The following LTBP2 variants were observed in gnomAD, a reference collection of about 807,000 sequenced individuals.
LTBP2 encodes the protein latent-transforming growth factor beta-binding protein 2.
In LTBP2, 103 loss-of-function variants were observed where a neutral mutation model predicts 210.6. The observed-to-expected ratio is 0.49, with a 90% confidence interval of 0.42 to 0.58. The LOEUF (loss-of-function observed/expected upper bound fraction) is 0.58, where lower values mean the gene tolerates loss of function less well. Ranked by LOEUF, LTBP2 falls within the 20% of genes least tolerant of loss-of-function variation. The pLI, the probability that LTBP2 is intolerant of heterozygous loss-of-function variation, is 0.00. For synonymous variants in LTBP2, 1,007 were observed against 1,015.0 expected, an observed-to-expected ratio of 0.99 and a Z score of 0.15; for missense variants, 2,313 against 2,494.5, an observed-to-expected ratio of 0.93 and a Z score of 1.55.
At chr14:74,610,379 C>G (rs773508095) in intron 1 of LTBP2, among the ~76,000 whole-genome samples, 6 of 152,062 alleles carry the variant, frequency 3.9e-5, no homozygotes, top group Non-Finnish European at 8.8e-5. Flanking sequence ...GAAAACAGAG[C>G]GCCAAGGAAA....
chr14:74,580,818 G>T (rs1386986094), intron 3 of LTBP2, among the ~76,000 whole-genome samples: 1 of 152,162 alleles, frequency 6.6e-6, no homozygotes, highest in Non-Finnish European at 1.5e-5. Flanking sequence ...AATTAGCTGG[G>T]TATGGTGGTG....
chr14:74,578,245 A>G (rs916964890), intron 3 of LTBP2, among the ~76,000 whole-genome samples: 1 of 152,210 alleles, frequency 6.6e-6, no homozygotes, highest in African/African-American at 2.4e-5. Context: ...CTGATCTGTC[A>G]TAAGCACATG....
At chr14:74,581,717 C>T (rs1349752846) in intron 3 of LTBP2, among the ~76,000 whole-genome samples, 1 of 152,126 alleles carries the variant, frequency 6.6e-6, no homozygotes, top group Non-Finnish European at 1.5e-5. Context: ...CCTGGTGAGA[C>T]CCGTTTCAGA....
chr14:74,571,771 C>T (rs2139772931), intron 3 of LTBP2, among the ~76,000 whole-genome samples: 1 of 152,304 alleles, frequency 6.6e-6, no homozygotes, highest in South Asian at 2.1e-4. Context: ...GGACATGTTA[C>T]ATCGTGGGCA....
In LTBP2 at chr14:74,510,135, C is replaced by A. The variant is rs374444394; in HGVS notation, c.3107G>T (p.Cys1036Phe). Reference sequence around the variant, plus strand: ...TGAGGTGACCTCATAGCCCTGCTCACAAGAGCATCTGAAGGAGCCTTCTAG... The same window carrying A: ...TGAGGTGACCTCATAGCCCTGCTCAAAAGAGCATCTGAAGGAGCCTTCTAG... ...TNLEGSFRCS[C>F]EQGYEVTSDE... The change falls in exon 20 of 36, where the codon TGT becomes TTT. Residue 1036 changes from cysteine to phenylalanine, a missense_variant. By Grantham distance (205) the Cys-to-Phe change is radical (BLOSUM62 -2). Coordinates refer to ENST00000261978, the MANE Select transcript of LTBP2 (RefSeq NM_000428.3). 5.6e-5 allele frequency: 91 copies of A among 1,614,030 alleles called. No individual in the cohort carries two copies. Among genetic ancestry groups the A allele is most frequent in the Non-Finnish European group, 7.3e-5 (86 of 1,180,018 alleles).
chr14:74,541,082 G>A (rs777481718), intron 8 of LTBP2, among the ~76,000 whole-genome samples: 10 of 150,516 alleles, frequency 6.6e-5, no homozygotes, highest in Admixed American at 2.0e-4. Flanking sequence ...ACCTGTCACC[G>A]TCCCTGCCAC....
At chr14:74,587,517 G>A (rs553130237) in intron 2 of LTBP2, among the ~76,000 whole-genome samples, 9 of 151,568 alleles carry the variant, frequency 5.9e-5, no homozygotes, top group African/African-American at 1.7e-4. Context: ...AAAGACCTGG[G>A]CAGTTTCCCA....
intron 10 of LTBP2, among the ~76,000 whole-genome samples, chr14:74,532,076 G>C (rs2087357058): frequency 6.6e-6 from 1 of 152,160 alleles, no homozygotes; most frequent in South Asian, 2.1e-4. Flanking sequence ...CATCAGAGCA[G>C]AGGCCACCCC....
In LTBP2 at chr14:74,500,362, T is replaced by C; in HGVS notation, c.*522A>G. On this transcript the variant is annotated 3_prime_UTR_variant, in exon 36 of 36. Coordinates refer to ENST00000261978, the MANE Select transcript of LTBP2 (RefSeq NM_000428.3). ...TGGCAAAATCAGGGCCCAGAACAGA[T>C]TGGCTGAGTGGTGGTGATGGTTCTT... The C allele has an allele frequency of 6.3e-6, 2 of 316,062 alleles. No homozygotes were observed. Among genetic ancestry groups the C allele is most frequent in the South Asian group, 5.7e-5 (1 of 17,498 alleles). The allele number at this position is 316,062 out of a possible 1,614,324, so 19.6% of individuals were successfully genotyped here.
In LTBP2 at chr14:74,510,110, T is replaced by G; in HGVS notation, c.3132A>C (p.Ser1044=). 6.2e-7 allele frequency: 1 copy of G among 1,614,122 alleles called. No individual in the cohort carries two copies. Among genetic ancestry groups the G allele is most frequent in the Non-Finnish European group, 8.5e-7 (1 of 1,180,012 alleles). ...CTGTACCTTGGCAGCCCTTCTCATCTGAGGTGACCTCATAGCCCTGCTCAC... is the reference window on the plus strand; with the variant it reads ...CTGTACCTTGGCAGCCCTTCTCATCGGAGGTGACCTCATAGCCCTGCTCAC... ...CSCEQGYEVT[S]DEKGCQDVDE... Residue 1044 remains serine (S), a synonymous_variant, in exon 20 of 36, where the codon TCA becomes TCC. Transcript: ENST00000261978.
chr14:74,550,510 T>C (rs1020173002), intron 7 of LTBP2, among the ~76,000 whole-genome samples: 2 of 152,170 alleles, frequency 1.3e-5, no homozygotes, highest in Non-Finnish European at 2.9e-5. Flanking sequence ...AGAAAAACCA[T>C]ACTGGGTCTG....
intron 34 of LTBP2, 172 bp downstream of exon 34, chr14:74,502,481 G>T: frequency 2.4e-6 from 2 of 816,550 alleles, no homozygotes; most frequent in South Asian, 1.4e-5. Flanking sequence ...GTTAGGGTCG[G>T]ACCTGGGCGT....
At chr14:74,561,829 A>G (rs1166617284) in intron 3 of LTBP2, among the ~76,000 whole-genome samples, 1 of 152,160 alleles carries the variant, frequency 6.6e-6, no homozygotes, top group Non-Finnish European at 1.5e-5. Context: ...AATACAGACC[A>G]TATCTAGGAG....
intron 18 of LTBP2, among the ~76,000 whole-genome samples, chr14:74,513,456 T>C (rs2087096690): frequency 6.6e-6 from 1 of 152,238 alleles, no homozygotes; most frequent in Non-Finnish European, 1.5e-5. Flanking sequence ...TGAGGAAACA[T>C]GGGGCAGAGC....
chr14:74,584,922 C>T (rs2088183049), intron 3 of LTBP2, among the ~76,000 whole-genome samples: 4 of 152,088 alleles, frequency 2.6e-5, no homozygotes, highest in Admixed American at 2.0e-4. Context: ...AGGTCGGCCT[C>T]CTCTCCCTGG....
At chr14:74,560,658 A>G (rs550509404) in intron 3 of LTBP2, among the ~76,000 whole-genome samples, 1 of 152,358 alleles carries the variant, frequency 6.6e-6, no homozygotes, top group African/African-American at 2.4e-5. Flanking sequence ...TCGGGCTTCC[A>G]AAAACAGCTG....
At chr14:74,568,602 C>T (rs990170243) in intron 3 of LTBP2, among the ~76,000 whole-genome samples, 1 of 152,120 alleles carries the variant, frequency 6.6e-6, no homozygotes, top group Non-Finnish European at 1.5e-5. Flanking sequence ...TAATCATATG[C>T]CAGGCACTGT....
At chr14:74,596,414 G>C (rs1011493649) in intron 2 of LTBP2, among the ~76,000 whole-genome samples, 1 of 152,142 alleles carries the variant, frequency 6.6e-6, no homozygotes, top group South Asian at 2.1e-4. Context: ...CCTCAAAACA[G>C]AGACTGGGTA....
At chr14:74,593,323 G>C (rs2088308698) in intron 2 of LTBP2, among the ~76,000 whole-genome samples, 1 of 152,196 alleles carries the variant, frequency 6.6e-6, no homozygotes, top group Non-Finnish European at 1.5e-5. Context: ...TTGGCTACTG[G>C]GTAGTAGCAA....
Sources: allele counts gnomAD v4.1 joint callset (sites outside exome capture counted in the v4.1 genomes callset), GRCh38; gene constraint gnomAD v4.1.1; transcripts MANE v1.5; gene names NCBI Gene and HGNC (gene_info 2026-07-23, HGNC 2026-07-21).